The following CLIC5 variants were observed in gnomAD, a reference collection of about 807,000 sequenced individuals.
CLIC5 encodes the protein CLIC family member 5, also known as chloride intracellular channel protein 5.
A neutral mutation model predicts 24.7 loss-of-function variants in CLIC5; 20 were observed. The observed-to-expected ratio is 0.81, with a 90% CI of 0.57 to 1.18. The LOEUF is 1.18. Ranked by LOEUF, CLIC5 falls within the 50% of genes most tolerant of loss-of-function variation. The pLI, the probability that CLIC5 is intolerant of heterozygous loss-of-function variation, is 0.00. For missense variants in CLIC5, 341 were observed against 326.1 expected, an observed-to-expected ratio of 1.05 and a Z score of -0.35; for synonymous variants, 159 against 135.6, an observed-to-expected ratio of 1.17 and a Z score of -1.20.
intron 1 of CLIC5, among the ~76,000 whole-genome samples, chr6:46,040,766 A>T (rs1470626546): frequency 6.6e-6 from 1 of 152,160 alleles, no homozygotes; most frequent in Admixed American, 6.5e-5. Flanking sequence ...TTTTTTAAAA[A>T]AAGCTAAAAT....
intron 1 of CLIC5, among the ~76,000 whole-genome samples, chr6:45,964,582 C>A (rs1304233159): frequency 6.6e-6 from 1 of 152,168 alleles, no homozygotes; most frequent in Non-Finnish European, 1.5e-5. Context: ...AAGCCCAGAG[C>A]ACATGAAGAG....
chr6:45,973,288 T>C (rs1489323920), intron 1 of CLIC5, among the ~76,000 whole-genome samples: 2 of 152,166 alleles, frequency 1.3e-5, no homozygotes, highest in Non-Finnish European at 1.5e-5. Context: ...TCTCTAAAGG[T>C]GCTGTCCTGA....
intron 5 of CLIC5, among the ~76,000 whole-genome samples, chr6:45,907,645 C>T (rs1236063107): frequency 6.6e-6 from 1 of 152,050 alleles, no homozygotes. Flanking sequence ...TGTGAATCCA[C>T]CTAGTCTGGG....
chr6:46,034,836 C>A (rs556600988), intron 1 of CLIC5, among the ~76,000 whole-genome samples: 1 of 152,154 alleles, frequency 6.6e-6, no homozygotes, highest in African/African-American at 2.4e-5. Context: ...ATGTAGGGCA[C>A]GGACTCAAAC....
the CLIC5 span, among the ~76,000 whole-genome samples, chr6:46,095,121 G>C: frequency 6.6e-6 from 1 of 151,862 alleles, no homozygotes; most frequent in African/African-American, 2.4e-5. Context: ...ACAGGGAGCA[G>C]TATCCCAAGG....
At chr6:46,054,428 A>G (rs1003592399) in intron 1 of CLIC5, among the ~76,000 whole-genome samples, 2 of 152,158 alleles carry the variant, frequency 1.3e-5, no homozygotes, top group East Asian at 3.9e-4. Context: ...CTGTGATCCA[A>G]GCTAATCCCT....
chr6:45,980,135 A>C (rs1765521961), intron 1 of CLIC5, among the ~76,000 whole-genome samples: 1 of 152,090 alleles, frequency 6.6e-6, no homozygotes, highest in Non-Finnish European at 1.5e-5. Flanking sequence ...CTGTTATCCC[A>C]GCACTGTTTA....
At chr6:46,085,754 C>T in the CLIC5 span, among the ~76,000 whole-genome samples, 8 of 152,226 alleles carry the variant, frequency 5.3e-5, no homozygotes, top group Non-Finnish European at 8.8e-5. Context: ...TCTCCAGCTG[C>T]GTGCTGGGAG....
intron 1 of CLIC5, among the ~76,000 whole-genome samples, chr6:45,980,404 C>G (rs1459458905): frequency 6.6e-6 from 1 of 152,002 alleles, no homozygotes; most frequent in African/African-American, 2.4e-5. Context: ...ACACTAGGGA[C>G]TACTAGAGGG....
At chr6:46,025,123 C>T (rs1767293600) in intron 1 of CLIC5, among the ~76,000 whole-genome samples, 1 of 151,950 alleles carries the variant, frequency 6.6e-6, no homozygotes, top group South Asian at 2.1e-4. Flanking sequence ...TCAGGAATTT[C>T]TAGTCCTCTA....
intron 4 of CLIC5, among the ~76,000 whole-genome samples, chr6:45,934,957 A>G (rs1352016333): frequency 1.3e-5 from 2 of 152,254 alleles, no homozygotes; most frequent in Admixed American, 6.5e-5. Context: ...CGATGGGGAC[A>G]GAACATGAAA....
intron 1 of CLIC5, among the ~76,000 whole-genome samples, chr6:45,968,328 T>G (rs922192662): frequency 6.6e-6 from 1 of 152,200 alleles, no homozygotes; most frequent in African/African-American, 2.4e-5. Flanking sequence ...CCTGGGGTAC[T>G]TTTATTTATC....
chr6:45,941,739 C>T lies in CLIC5; in HGVS notation c.300-86G>A. 8 of 1,000,280 alleles carry T rather than the reference C, an allele frequency of 8.0e-6. No individual in the cohort carries two copies. In the East Asian group the frequency reaches 1.9e-4, roughly 24 times the overall value. The allele number at this position is 1,000,280 out of a possible 1,614,324, so 62.0% of individuals were successfully genotyped here. ...CCTATCCCTATCATGATAAGCAATA[C>T]TTCCCTTTCCAGCTGCATCTACAAA... On this transcript the variant is annotated intron_variant, in intron 3 of 5. Coordinates refer to ENST00000339561, the MANE Select transcript of CLIC5 (RefSeq NM_016929.5).
At chr6:46,019,447 G>A (rs1467953520), upstream of CLIC5, among the ~76,000 whole-genome samples, 6 of 152,116 alleles carry the variant, frequency 3.9e-5, no homozygotes, top group East Asian at 1.9e-4. Context: ...AGCACTTTGG[G>A]AGGCCGAGGC....
chr6:45,995,950 A>T (rs1377159921), intron 1 of CLIC5, among the ~76,000 whole-genome samples: 1 of 152,086 alleles, frequency 6.6e-6, no homozygotes, highest in Non-Finnish European at 1.5e-5. Flanking sequence ...CAACACACAC[A>T]CACTGGGGAC....
At chr6:45,968,486 TTA>T (rs1415514428) in intron 1 of CLIC5, among the ~76,000 whole-genome samples, 15 of 151,856 alleles carry the variant, frequency 9.9e-5, no homozygotes, top group African/African-American at 3.4e-4. Flanking sequence ...TTTTTATCTA[TTA>T]TCTCCTATGT....
chr6:45,999,732 G>GTTTTTTTTTTTTTTTTTTTT (rs1201850451), intron 1 of CLIC5, among the ~76,000 whole-genome samples: 1 of 50,848 alleles, frequency 2.0e-5, no homozygotes, highest in African/African-American at 9.6e-5. Flanking sequence ...CTTCCTTGTG[G>GTTTTTTTTTTTTTTTTTTTT]TTTTTTTTTT....
intron 5 of CLIC5, chr6:45,911,499 G>C: frequency 1.1e-5 from 7 of 626,302 alleles, no homozygotes; most frequent in Non-Finnish European, 1.4e-5. Flanking sequence ...TCATGCAGGA[G>C]TGGTGGCCTG....
At chr6:46,005,743 GT>G (rs1766529323) in intron 1 of CLIC5, among the ~76,000 whole-genome samples, 1 of 151,880 alleles carries the variant, frequency 6.6e-6, no homozygotes, top group Non-Finnish European at 1.5e-5. Flanking sequence ...TGGGATTAGT[GT>G]TCTCATGAGG....
Sources: gnomAD v4.1 joint callset for allele counts (sites outside exome capture counted in the v4.1 genomes callset) on GRCh38, gnomAD v4.1.1 for gene constraint, MANE v1.5 for transcripts, NCBI Gene and HGNC (gene_info 2026-07-23, HGNC 2026-07-21) for gene names.